The following CCDC18 variants were observed in gnomAD, a reference collection of about 807,000 sequenced individuals.
CCDC18 encodes coiled-coil domain-containing protein 18.
In CCDC18, 157 loss-of-function variants were observed where a neutral mutation model predicts 196.0. That is an observed-to-expected ratio of 0.80 (90% CI 0.70 to 0.91). The LOEUF (loss-of-function observed/expected upper bound fraction) is 0.91, where lower values mean the gene tolerates loss of function less well. Among genes scored for constraint, CCDC18 ranks in the 40% least tolerant of loss-of-function variants. CCDC18 has a pLI of 0.00. For missense variants in CCDC18, 1,465 were observed against 1,611.6 expected (o/e 0.91, Z 1.56); for synonymous variants, 482 against 529.2 (o/e 0.91, Z 1.22).
chr1:93,243,214 C>T (rs374226985), intron 21 of CCDC18, among the ~76,000 whole-genome samples: 1 of 152,218 alleles, frequency 6.6e-6, no homozygotes, highest in African/African-American at 2.4e-5. Context: ...TCCATATATC[C>T]TCTGAAATCT....
At chr1:93,191,124 A>G in intron 4 of CCDC18, 1 of 529,472 alleles carries the variant, frequency 1.9e-6, no homozygotes. Flanking sequence ...GAGTTTCTCC[A>G]GCAAAGAATC....
intron 26 of CCDC18, chr1:93,262,274 C>A (rs866377753): frequency 6.6e-5 from 10 of 152,308 alleles, no homozygotes; most frequent in South Asian, 6.2e-4. Flanking sequence ...GCCTTCCCAA[C>A]AGAACCCCAA....
rs569986499 is a variant in CCDC18, at chr1:93,263,360, A to G, written c.3685-1341A>G. On this transcript the variant is annotated intron_variant, in intron 26 of 28. Transcript: ENST00000690025. ...TTTATGCTCTGCTTCCCTTTTAAAC[A>G]TAAGTTCCAATTTCAGATCATCTCT... 4.6e-5 allele frequency among the ~76,000 whole-genome samples: 7 copies of G among 151,342 alleles called. No individual in the cohort carries two copies. The South Asian group carries it at 6.3e-4, about 14-fold the overall frequency.
intron 25 of CCDC18, 116 bp downstream of exon 25, chr1:93,256,654 T>C (rs1663001344): frequency 1.2e-6 from 1 of 820,604 alleles, no homozygotes; most frequent in African/African-American, 1.7e-5. Context: ...ACAGTGTGAA[T>C]GTACTTAATC....
Position 93,236,395 on chromosome 1 carries a change from A to T in CCDC18, c.2603+5A>T. ...TGAGCTTACTGGCACTGCCAGGTAA[A>T]ATGTGAATATGTTTTATTTACCTTC... is the stretch of plus-strand genomic sequence containing the variant. On this transcript the variant is annotated splice_donor_5th_base_variant and intron_variant, in intron 19 of 28. Coordinates refer to ENST00000690025, the MANE Select transcript of CCDC18 (RefSeq NM_001378204.1). The T allele has an allele frequency of 6.3e-7, 1 of 1,586,520 alleles. No homozygotes were observed. The highest frequency in any genetic ancestry group is 8.5e-7 in the Non-Finnish European group (1 of 1,171,422).
At chr1:93,219,262 T>C (rs2102165269) in intron 14 of CCDC18, among the ~76,000 whole-genome samples, 1 of 152,376 alleles carries the variant, frequency 6.6e-6, no homozygotes, top group South Asian at 2.1e-4. Context: ...GAATTTATTT[T>C]TCTTCACAAT....
At position 93,221,757 on chromosome 1, in the gene CCDC18, T is replaced by G. The variant is rs752236681; in HGVS notation, c.2097+14T>G. 1.9e-6 allele frequency: 3 copies of G among 1,596,872 alleles called. No homozygotes were observed. Among genetic ancestry groups the G allele is most frequent in the Non-Finnish European group, 2.6e-6 (3 of 1,175,706 alleles). On this transcript the variant is annotated intron_variant, in intron 15 of 28. Coordinates refer to ENST00000690025, the MANE Select transcript of CCDC18 (RefSeq NM_001378204.1). ...GAAAGCAAAGGGGTAAAATCATCCTTATAAAAGTGCTATTTAGAAGTTGAC... is the reference window on the plus strand; with the variant it reads ...GAAAGCAAAGGGGTAAAATCATCCTGATAAAAGTGCTATTTAGAAGTTGAC...
chr1:93,253,171 G>T (rs1487597454), intron 23 of CCDC18, among the ~76,000 whole-genome samples: 1 of 152,220 alleles, frequency 6.6e-6, no homozygotes, highest in African/African-American at 2.4e-5. Context: ...TCCTTCACAG[G>T]ATATTTCCCC....
At chr1:93,249,835 ATT>A (rs1201490693) in intron 23 of CCDC18, among the ~76,000 whole-genome samples, 1 of 151,976 alleles carries the variant, frequency 6.6e-6, no homozygotes, top group East Asian at 1.9e-4. Flanking sequence ...AAATTTTTGT[ATT>A]TTTTTGATGT....
intron 7 of CCDC18, among the ~76,000 whole-genome samples, chr1:93,204,381 A>T (rs570459261): frequency 6.6e-6 from 1 of 152,180 alleles, no homozygotes; most frequent in East Asian, 1.9e-4. Context: ...AGTGATTTTC[A>T]TAGCGTAAGG....
At chr1:93,206,753 A>T (rs1337667325) in intron 8 of CCDC18, among the ~76,000 whole-genome samples, 1 of 152,170 alleles carries the variant, frequency 6.6e-6, no homozygotes, top group Non-Finnish European at 1.5e-5. Flanking sequence ...GATAATGTGA[A>T]ATGCTATGTC....
chr1:93,247,052 GTTGTTTTGTTTT>G (rs1661579142), intron 23 of CCDC18, 98 bp downstream of exon 23: 1 of 605,626 alleles, frequency 1.7e-6, no homozygotes, highest in Non-Finnish European at 2.9e-6. Context: ...TTTTGTTATT[GTTGTTTTGTTTT>G]TTGTTTTTTT....
chr1:93,271,141 T>A, intron 28 of CCDC18: 15 of 704,466 alleles, frequency 2.1e-5, no homozygotes, highest in Non-Finnish European at 2.3e-5. Flanking sequence ...GTGAGAGGAA[T>A]CCAGAGAAAG....
intron 26 of CCDC18, 58 bp from the exon 27 acceptor site, chr1:93,264,643 A>C: frequency 9.7e-7 from 1 of 1,031,530 alleles, no homozygotes; most frequent in Non-Finnish European, 1.5e-6. Flanking sequence ...ACTGTTGTCG[A>C]ATCCAGTTTC....
chr1:93,234,441 T>A (rs1264111903), intron 18 of CCDC18, among the ~76,000 whole-genome samples: 1 of 152,226 alleles, frequency 6.6e-6, no homozygotes. Context: ...ATTACAGGCG[T>A]GAGCCACTGC....
At chr1:93,245,961 C>CT (rs1156787903) in intron 21 of CCDC18, 144 bp from the exon 22 acceptor site, 2 of 445,084 alleles carry the variant, frequency 4.5e-6, no homozygotes, top group Non-Finnish European at 8.1e-6. Flanking sequence ...TCTATTATTC[C>CT]TTAAATTTGA....
At chr1:93,180,457 A>G (rs1571296567), upstream of CCDC18, 7 of 1,403,600 alleles carry the variant, frequency 5.0e-6, no homozygotes, top group African/African-American at 3.0e-5. Flanking sequence ...CTATTCCGCA[A>G]CCGCCTCAGT....
chr1:93,238,366 G>A (rs1660322168), intron 19 of CCDC18, among the ~76,000 whole-genome samples: 1 of 152,096 alleles, frequency 6.6e-6, no homozygotes, highest in South Asian at 2.1e-4. Flanking sequence ...TCTATACATA[G>A]ATGTATACAT....
rs535595158 is a variant in CCDC18 at position 93,214,876 on chromosome 1, G to A, written c.1629G>A (p.Lys543=). ...TAGAAGCTGAAAATTCTGATTTGAA[G>A]GTTAACATGGCTCACAGAACTAGTC... is the stretch of plus-strand genomic sequence containing the variant. ...IQIEAENSDL[K]VNMAHRTSQF... is the part of the protein sequence containing the mutation. The change falls in exon 12 of 29, where the codon AAG becomes AAA. Residue 543 remains lysine, a synonymous_variant. Transcript: ENST00000690025. 5.6e-6 allele frequency: 9 copies of A among 1,613,614 alleles called. No homozygotes were observed. Among genetic ancestry groups the A allele is most frequent in the Middle Eastern group, 1.7e-4 (1 of 6,058 alleles).
Sources: allele counts gnomAD v4.1 joint callset (sites outside exome capture counted in the v4.1 genomes callset), GRCh38; gene constraint gnomAD v4.1.1; transcripts MANE v1.5; gene names NCBI Gene and HGNC (gene_info 2026-07-23, HGNC 2026-07-21).